The following TTN variants were observed in gnomAD, a reference collection of about 807,000 sequenced individuals.
TTN encodes titin.
TTN carries 1,525 observed loss-of-function variants against 3,223.0 expected under a neutral mutation model. The ratio of observed to expected loss-of-function variants is 0.47; its 90% CI spans 0.45 to 0.49. The LOEUF (loss-of-function observed/expected upper bound fraction) is 0.49, where lower values mean the gene tolerates loss of function less well. TTN is among the 20% of genes least tolerant of loss of function. TTN has a pLI of 0.00. For synonymous variants in TTN, 14,094 were observed against 15,161.0 expected, an observed-to-expected ratio of 0.93 and a Z score of 5.17; for missense variants, 40,786 against 43,424.0, an observed-to-expected ratio of 0.94 and a Z score of 5.40.
intron 21 of TTN, 55 bp downstream of exon 21, chr2:178,781,066 T>A (rs1400431119): frequency 1.2e-6 from 2 of 1,611,928 alleles, no homozygotes; most frequent in Non-Finnish European, 1.7e-6. Context: ...ACAGCACTGC[T>A]ATCTCCTTGT....
intron 127 of TTN, 121 bp from the exon 128 acceptor site, chr2:178,685,719 T>C: frequency 1.2e-6 from 1 of 856,966 alleles, no homozygotes; most frequent in Non-Finnish European, 1.8e-6. Context: ...GCCAAACCCC[T>C]GCTTGTTCCT....
rs190574498 is a variant in TTN, at chr2:178,604,999, C to T, written c.54178G>A (p.Val18060Ile). Residue 18060 changes from valine to isoleucine, a missense_variant, in exon 280 of 363, where the codon GTT (valine) becomes ATT (isoleucine). Val to Ile is a conservative substitution (Grantham distance 29). Coordinates refer to ENST00000589042, the MANE Select transcript of TTN (RefSeq NM_001267550.2). ...GCAAGTCACTTACCATATACTTCAACGTGAACATTTCGGAACACTGAGCCA... is the reference window on the plus strand; with the variant it reads ...GCAAGTCACTTACCATATACTTCAATGTGAACATTTCGGAACACTGAGCCA... Reference protein sequence around the residue: ...RLGSVFRNVHVEVYDRPSPPR... With the variant: ...RLGSVFRNVHIEVYDRPSPPR... The T allele has an allele frequency of 4.5e-5, 72 of 1,596,514 alleles. No homozygotes were observed. Among genetic ancestry groups the T allele is most frequent in the Non-Finnish European group, 4.3e-5 (50 of 1,170,018 alleles).
chr2:178,579,268 C>T lies in TTN; in HGVS notation c.67762G>A (p.Glu22588Lys). Residue 22588 changes from glutamate (E) to lysine (K), a missense_variant, in exon 320 of 363, where the codon GAA (glutamate) becomes AAA (lysine). Physicochemically the swap from Glu to Lys is moderately conservative, Grantham distance 56. Coordinates refer to ENST00000589042, the MANE Select transcript of TTN (RefSeq NM_001267550.2). ...CTAGTGTCAGTTGCTAGAGGATCTT[C>T]CCCTTTCTTCCAGGAGACTGATGGA... The part of the protein sequence containing the change: ...PAPSVSWKKG[E>K]DPLATDTRVS... 6.2e-7 allele frequency: 1 copy of T among 1,613,342 alleles called. No homozygotes were observed. The highest frequency in any genetic ancestry group is 8.5e-7 in the Non-Finnish European group (1 of 1,179,536).
chr2:178,704,725 T>A lies in TTN; in HGVS notation c.29747A>T (p.Asp9916Val), dbSNP rs768314420. 28 of 1,610,956 alleles carry A rather than the reference T, an allele frequency of 1.7e-5. No homozygotes were observed. The East Asian group carries it at 6.2e-4, about 36-fold the overall frequency. ...IENQTVLKDN[D>V]AVFEIDIKIN... ...TTTAATGTCAATTTCAAAGACAGCA[T>A]CATTATCTTTCAAAACTGTCTGATT... The change falls in exon 105 of 363, where the codon GAT (aspartate) becomes GTT (valine). Residue 9916 changes from aspartate (D) to valine (V), a missense_variant. Transcript: ENST00000589042.
Position 178,620,418 on chromosome 2 carries a change from T to G in TTN, c.46103A>C (p.Glu15368Ala). 1 of 1,612,316 alleles carries G rather than the reference T, an allele frequency of 6.2e-7. No individual in the cohort carries two copies. Among genetic ancestry groups the G allele is most frequent in the Non-Finnish European group, 8.5e-7 (1 of 1,178,950 alleles). ...TCCAGCAGTGACAATGTATTCACCT[T>G]CATCTGGGAAGCCACAGTCTTTAAT... ...LTIKDCGFPD[E>A]GEYIVTAGQD... The change falls in exon 248 of 363, where the codon GAA becomes GCA. Residue 15368 changes from glutamate to alanine, a missense_variant. Physicochemically the swap from Glu to Ala is moderately radical, Grantham distance 107. Coordinates refer to ENST00000589042, the MANE Select transcript of TTN (RefSeq NM_001267550.2).
chr2:178,746,953 G>T (rs72648911), intron 47 of TTN: 2 of 1,613,488 alleles, frequency 1.2e-6, no homozygotes, highest in South Asian at 2.2e-5. Context: ...CTGTAGGTGT[G>T]TAGAAATGCT....
rs376459830 is a variant in TTN at position 178,610,112 on chromosome 2, T to C, written c.51414A>G (p.Pro17138=). 4.5e-5 allele frequency: 73 copies of C among 1,612,754 alleles called. No homozygotes were observed. The highest frequency in any genetic ancestry group is 6.1e-5 in the Non-Finnish European group (72 of 1,179,318). The change falls in exon 271 of 363, where the codon CCA becomes CCG. Residue 17138 remains proline, a synonymous_variant. Transcript: ENST00000589042. ...TACGCTTTGGATCTTGAGCAATGACTGGATTTTTCAGTTCAATATATTCTC... is the reference window on the plus strand; with the variant it reads ...TACGCTTTGGATCTTGAGCAATGACCGGATTTTTCAGTTCAATATATTCTC... ...GGGEYIELKN[P]VIAQDPKQPP... is the part of the protein sequence containing the mutation.
In TTN at chr2:178,530,306, C is replaced by T; in HGVS notation, c.106309G>A (p.Ala35437Thr). 1 of 1,613,658 alleles carries T rather than the reference C, an allele frequency of 6.2e-7. No homozygotes were observed. Among genetic ancestry groups the T allele is most frequent in the Non-Finnish European group, 8.5e-7 (1 of 1,179,654 alleles). The part of the protein sequence containing the change: ...QDTTVSSDSV[A>T]KFAVKATGEP... ...CCAGTAGCCTTAACTGCAAATTTAG[C>T]AACACTGTCTGAAGAAACAGTTGTA... Residue 35437 changes from alanine to threonine, a missense_variant, in exon 358 of 363, where the codon GCT (alanine) becomes ACT (threonine). Coordinates refer to ENST00000589042, the MANE Select transcript of TTN (RefSeq NM_001267550.2).
In TTN at chr2:178,575,991, C is replaced by T. The variant is rs1559456668; in HGVS notation, c.70141G>A (p.Asp23381Asn). The part of the protein sequence containing the change: ...RPAPEVTWTK[D>N]NINLKNRANI... ...GCTCGGTTTTTCAGGTTGATGTTAT[C>T]TTTGGTCCATGTCACTTCAGGAGCA... is the stretch of plus-strand genomic sequence containing the variant. Residue 23381 changes from aspartate to asparagine, a missense_variant, in exon 326 of 363, where the codon GAT becomes AAT. Asp to Asn is a conservative substitution (Grantham distance 23, BLOSUM62 1). Coordinates refer to ENST00000589042, the MANE Select transcript of TTN (RefSeq NM_001267550.2). This position sits in a 1 kb window ranked among gnomAD's most constrained non-coding sequence, Gnocchi z 4.0. The T allele has an allele frequency of 1.2e-6, 2 of 1,611,822 alleles. No individual in the cohort carries two copies. The highest frequency in any genetic ancestry group is 1.7e-6 in the Non-Finnish European group (2 of 1,178,278).
rs1245498048 is a variant in TTN at position 178,790,025 on chromosome 2, C to A, written c.1891G>T (p.Glu631Ter). Residue 631 changes from glutamate (E) to a stop codon, truncating the protein, a stop_gained, in exon 12 of 363, where the codon GAA becomes TAA. Coordinates refer to ENST00000589042, the MANE Select transcript of TTN (RefSeq NM_001267550.2). LOFTEE classifies it high-confidence loss of function. ...TGTTCTCTTTTGGTAGTAATGCCTT[C>A]TCTACCTCTTGATACTAAATCTTGT... ...KEQDLVSRGR[E>*]GITTKREQVQ... is the part of the protein sequence containing the mutation. 1 of 1,613,256 alleles carries A rather than the reference C, an allele frequency of 6.2e-7. No homozygotes were observed. Among genetic ancestry groups the A allele is most frequent in the Non-Finnish European group, 8.5e-7 (1 of 1,179,476 alleles).
At chr2:178,692,463 C>T in intron 120 of TTN, 34 bp downstream of exon 120, 2 of 1,529,050 alleles carry the variant, frequency 1.3e-6, no homozygotes, top group Non-Finnish European at 1.8e-6. Context: ...AAGATGGATG[C>T]TAAGAATTAT....
intron 250 of TTN, 31 bp from the exon 251 acceptor site, chr2:178,618,884 C>A (rs761392972): frequency 1.3e-6 from 2 of 1,597,642 alleles, no homozygotes; most frequent in Non-Finnish European, 8.5e-7. Context: ...TGAACGCTTT[C>A]GACTATTAAA....
rs1462695230 is a variant in TTN at position 178,719,262 on chromosome 2, T to C, written c.24128A>G (p.Asn8043Ser). ...GTCGGAGGGCTCCAACAAGCTCAGA[T>C]TCAAAGTACAGACGTTTTCCGAAAA... is the stretch of plus-strand genomic sequence containing the variant. ...SSFSENVCTL[N>S]LSLLEPSDTG... The change falls in exon 83 of 363, where the codon AAT (asparagine) becomes AGT (serine). Residue 8043 changes from asparagine (N) to serine (S), a missense_variant. Coordinates refer to ENST00000589042, the MANE Select transcript of TTN (RefSeq NM_001267550.2). The C allele has an allele frequency of 6.2e-7, 1 of 1,613,722 alleles. No individual in the cohort carries two copies. Among genetic ancestry groups the C allele is most frequent in the South Asian group, 1.1e-5 (1 of 91,076 alleles).
At position 178,807,365 on chromosome 2, in the gene TTN, GT is replaced by G. The variant is rs1252941345; in HGVS notation, c.-168del. Reference sequence around the variant, plus strand: ...AAAACTACACAGTCAAGACTGTGTAGTTTTGCTTTTCTATGCAATCCCTACA... The same window carrying G: ...AAAACTACACAGTCAAGACTGTGTAGTTTGCTTTTCTATGCAATCCCTACA... On this transcript the variant is annotated 5_prime_UTR_variant, in exon 1 of 363. Coordinates refer to ENST00000589042, the MANE Select transcript of TTN (RefSeq NM_001267550.2). 1.3e-5 allele frequency: 2 copies of G among 152,098 alleles called. No homozygotes were observed. The highest frequency in any genetic ancestry group is 2.9e-5 in the Non-Finnish European group (2 of 68,012). 9.4% of individuals were successfully genotyped at this position (152,098 alleles called of 1,614,324 possible).
chr2:178,773,117 G>A lies in TTN; in HGVS notation c.7847C>T (p.Thr2616Ile). Residue 2616 changes from threonine (T) to isoleucine (I), a missense_variant, in exon 33 of 363, where the codon ACT (threonine) becomes ATT (isoleucine). Transcript: ENST00000589042. ...AGENMTSGKL[T>I]VAGGAISKPL... ...TTAATAAATATACCAACCTGCCACA[G>A]TAAGTTTTCCAGATGTCATATTTTC... 6.2e-7 allele frequency: 1 copy of A among 1,613,908 alleles called. No individual in the cohort carries two copies. Among genetic ancestry groups the A allele is most frequent in the South Asian group, 1.1e-5 (1 of 91,068 alleles).
At position 178,759,164 on chromosome 2, in the gene TTN, C is replaced by A; in HGVS notation, c.10123G>T (p.Val3375Leu). 1.2e-6 allele frequency: 2 copies of A among 1,613,966 alleles called. No homozygotes were observed. The highest frequency in any genetic ancestry group is 1.7e-5 in the Admixed American group (1 of 60,006). ...TTCTTGTCTTTGCTGTACCACGACACTTTTAGATCTGCGACACAAAAGAAA... is the reference window on the plus strand; with the variant it reads ...TTCTTGTCTTTGCTGTACCACGACAATTTTAGATCTGCGACACAAAAGAAA... ...QCRVSGTDLK[V>L]SWYSKDKKIK... The change falls in exon 44 of 363, where the codon GTG becomes TTG. Residue 3375 changes from valine (V) to leucine (L), a missense_variant. Physicochemically the swap from Val to Leu is conservative, Grantham distance 32. Transcript: ENST00000589042.
At chr2:178,651,788 T>C (rs750146658) in intron 205 of TTN, 39 bp from the exon 206 acceptor site, 12 of 1,608,422 alleles carry the variant, frequency 7.5e-6, no homozygotes, top group East Asian at 2.2e-5. Flanking sequence ...AGAACGAAGA[T>C]TGAGAAACAA....
At position 178,617,470 on chromosome 2, in the gene TTN, G is replaced by C. The variant is rs753053572; in HGVS notation, c.47615C>G (p.Thr15872Ser). 2 of 1,597,904 alleles carry C rather than the reference G, an allele frequency of 1.3e-6. No homozygotes were observed. Among genetic ancestry groups the C allele is most frequent in the South Asian group, 2.3e-5 (2 of 86,844 alleles). The change falls in exon 254 of 363, where the codon ACT becomes AGT. Residue 15872 changes from threonine (T) to serine (S), a missense_variant. Physicochemically the swap from Thr to Ser is moderately conservative, Grantham distance 58. Coordinates refer to ENST00000589042, the MANE Select transcript of TTN (RefSeq NM_001267550.2). The part of the protein sequence containing the change: ...PPVNLTSSDQ[T>S]QSSVQLKWEP... ...CCATTTGAGCTGAACTGATGACTGA[G>C]TCTGATCTGAGGAAGTTAGGTTTAC...
rs1195699934 is a variant in TTN, at chr2:178,739,937, G to A, written c.13296C>T (p.Ile4432=). ...ACATGATGTGTCTGGGCTCTTGGGTGATGTTTACAGCCTCGACCTCCACCT... is the reference window on the plus strand; with the variant it reads ...ACATGATGTGTCTGGGCTCTTGGGTAATGTTTACAGCCTCGACCTCCACCT... The part of the protein sequence containing the change: ...IEKVEVEAVN[I]TQEPRHIMCM... The change falls in exon 48 of 363, where the codon ATC becomes ATT. Residue 4432 remains isoleucine, a synonymous_variant. Transcript: ENST00000589042. 1.3e-5 allele frequency: 21 copies of A among 1,613,712 alleles called. No homozygotes were observed. Among genetic ancestry groups the A allele is most frequent in the Non-Finnish European group, 1.8e-5 (21 of 1,179,820 alleles).
Sources: allele counts gnomAD v4.1 joint callset, GRCh38; gene constraint gnomAD v4.1.1; non-coding constraint Gnocchi (gnomAD v3.1); transcripts MANE v1.5; gene names NCBI Gene and HGNC (gene_info 2026-07-23, HGNC 2026-07-21).